The following ASCC1 variants were observed in gnomAD, a reference collection of about 807,000 sequenced individuals.
ASCC1 encodes activating signal cointegrator 1 complex subunit 1.
ASCC1 carries 35 observed loss-of-function variants against 46.6 expected under a neutral mutation model. That is an observed-to-expected ratio of 0.75 (90% CI 0.57 to 0.99). The LOEUF is 0.99. ASCC1 is among the 50% of genes least tolerant of loss of function. The pLI is 0.00. For synonymous variants in ASCC1, 143 were observed against 146.6 expected (o/e 0.98, Z 0.18); for missense variants, 376 against 428.7 (o/e 0.88, Z 1.09).
chr10:72,118,911 G>A (rs952011870), intron 9 of ASCC1, among the ~76,000 whole-genome samples: 3 of 152,016 alleles, frequency 2.0e-5, no homozygotes, highest in South Asian at 2.1e-4. Context: ...TAAGGACTTC[G>A]GAAGTCGCCA....
upstream of ASCC1, chr10:72,216,906 T>G (rs1186835668): frequency 2.2e-6 from 1 of 456,184 alleles, no homozygotes; most frequent in Admixed American, 2.3e-5. Flanking sequence ...CCTGGCAAAC[T>G]GGTTGAAGAT....
At chr10:72,117,731 T>C (rs532623126) in intron 9 of ASCC1, among the ~76,000 whole-genome samples, 1 of 152,366 alleles carries the variant, frequency 6.6e-6, no homozygotes, top group East Asian at 1.9e-4. Context: ...AATAATGTCA[T>C]TGCTTTCAAT....
intron 5 of ASCC1, among the ~76,000 whole-genome samples, chr10:72,167,005 G>A (rs1394442718): frequency 2.6e-5 from 4 of 151,962 alleles, no homozygotes; most frequent in Non-Finnish European, 4.4e-5. Flanking sequence ...AAAACAGCAC[G>A]GCCACTTTGG....
chr10:72,105,208 T>C (rs894117042), intron 9 of ASCC1, among the ~76,000 whole-genome samples: 7 of 152,166 alleles, frequency 4.6e-5, no homozygotes, highest in Admixed American at 2.6e-4. Flanking sequence ...CCACCCCACA[T>C]GACGAGGCAA....
At chr10:72,124,723 C>CTTTTTTT (rs34682603) in intron 9 of ASCC1, among the ~76,000 whole-genome samples, 4 of 118,656 alleles carry the variant, frequency 3.4e-5, no homozygotes, top group African/African-American at 1.0e-4. Flanking sequence ...CAAACAACAT[C>CTTTTTTT]TTTTTTTTTT....
At position 72,213,176 on chromosome 10, in the gene ASCC1, A is replaced by G. The variant is rs1342470392; in HGVS notation, c.112+11T>C. On this transcript the variant is annotated intron_variant, in intron 2 of 9. Coordinates refer to ENST00000672957, the MANE Select transcript of ASCC1 (RefSeq NM_001198800.3). ...TTACTTCTTATCTGACCAAAGAGCAACTAGGATTACCTTGATAGAAGTCCT... is the reference window on the plus strand; with the variant it reads ...TTACTTCTTATCTGACCAAAGAGCAGCTAGGATTACCTTGATAGAAGTCCT... The G allele has an allele frequency of 2.5e-6, 4 of 1,577,946 alleles. No individual in the cohort carries two copies. The highest frequency in any genetic ancestry group is 2.2e-5 in the East Asian group (1 of 44,600).
At chr10:72,213,456 AC>A (rs1858479668) in intron 1 of ASCC1, 125 bp from the exon 2 acceptor site, 3 of 648,824 alleles carry the variant, frequency 4.6e-6, no homozygotes, top group African/African-American at 1.8e-5. Context: ...CAAAAGCAGC[AC>A]CATTTCCCAT....
rs530141598 is a variant in ASCC1 at position 72,117,812 on chromosome 10, A to C, written c.957+10270T>G. On this transcript the variant is annotated intron_variant, in intron 9 of 9. Coordinates refer to ENST00000672957, the MANE Select transcript of ASCC1 (RefSeq NM_001198800.3). ...CTGCAGTTTGTGTATTAGCTTTAAAAGCCTGGAGAAGAAGTGACATCTGCT... is the reference window on the plus strand; with the variant it reads ...CTGCAGTTTGTGTATTAGCTTTAAACGCCTGGAGAAGAAGTGACATCTGCT... Among the ~76,000 whole-genome samples, 140 of 152,360 alleles carry C rather than the reference A, an allele frequency of 9.2e-4. 1 individual carries two copies. The highest frequency in any genetic ancestry group is 3.2e-3 in the African/African-American group (134 of 41,586).
At chr10:72,180,973 C>A in intron 5 of ASCC1, 1 of 173,342 alleles carries the variant, frequency 5.8e-6, no homozygotes, top group Admixed American at 5.7e-5. Flanking sequence ...TATTCATTTG[C>A]CTTTTTTTTT....
chr10:72,172,340 G>A lies in ASCC1; in HGVS notation c.490-10666C>T, dbSNP rs112647342. Among the ~76,000 whole-genome samples, 714 of 150,022 alleles carry A rather than the reference G, an allele frequency of 4.8e-3. 12 individuals are homozygous for A. The highest frequency in any genetic ancestry group is 0.014 in the African/African-American group (560 of 40,824). ...TGAAGCAGGAAAATCGCTTGAACCC[G>A]GAAGGCAGAGGTTGCAGTGAGCCAA... On this transcript the variant is annotated intron_variant, in intron 5 of 9. Coordinates refer to ENST00000672957, the MANE Select transcript of ASCC1 (RefSeq NM_001198800.3).
intron 5 of ASCC1, among the ~76,000 whole-genome samples, chr10:72,179,332 C>G (rs1217092362): frequency 6.6e-6 from 1 of 152,110 alleles, no homozygotes; most frequent in Admixed American, 6.6e-5. Context: ...CAAATACTGT[C>G]CAAATTATTA....
Position 72,176,559 on chromosome 10 carries a change from G to A in ASCC1, c.490-14885C>T, listed in dbSNP as rs1264475326. On this transcript the variant is annotated intron_variant, in intron 5 of 9. Coordinates refer to ENST00000672957, the MANE Select transcript of ASCC1 (RefSeq NM_001198800.3). Reference sequence around the variant, plus strand: ...AGAGTTTCACTATGTTGCCCAGGCTGGTTTCAAACTCCTGGACTCAAGGGA... The same window carrying A: ...AGAGTTTCACTATGTTGCCCAGGCTAGTTTCAAACTCCTGGACTCAAGGGA... Among the ~76,000 whole-genome samples the A allele has an allele frequency of 4.0e-5, 6 of 151,808 alleles. 1 individual carries two copies. In the South Asian group the frequency reaches 6.2e-4, roughly 16 times the overall value.
At chr10:72,148,639 T>C (rs1258060518) in intron 7 of ASCC1, among the ~76,000 whole-genome samples, 4 of 152,216 alleles carry the variant, frequency 2.6e-5, no homozygotes, top group South Asian at 2.1e-4. Flanking sequence ...AAATTGGTAG[T>C]GATATTAACA....
At chr10:72,131,439 TACACACACACACACACAC>T (rs71927487) in intron 8 of ASCC1, among the ~76,000 whole-genome samples, 7 of 139,324 alleles carry the variant, frequency 5.0e-5, no homozygotes, top group African/African-American at 1.4e-4. Flanking sequence ...AAAATAAAAA[TACACACACACACACACAC>T]ACACACACAC....
intron 4 of ASCC1, among the ~76,000 whole-genome samples, chr10:72,197,467 C>CAAAAAAAAAAAAAAAAAAAAA (rs59460393): frequency 1.9e-5 from 1 of 51,364 alleles, no homozygotes; most frequent in African/African-American, 7.9e-5. Flanking sequence ...GACTCTATCT[C>CAAAAAAAAAAAAAAAAAAAAA]AAAAAAAAAA....
rs188550196 is a variant in ASCC1 at position 72,142,500 on chromosome 10, G to A, written c.747-9319C>T. On this transcript the variant is annotated intron_variant, in intron 7 of 9. Transcript: ENST00000672957. ...TCCTGCCACAGCCTCTGGAGGAGCTGGGATTACAGGCATGTGCCACCATGC... is the reference window on the plus strand; with the variant it reads ...TCCTGCCACAGCCTCTGGAGGAGCTAGGATTACAGGCATGTGCCACCATGC... Among the ~76,000 whole-genome samples, 385 of 152,030 alleles carry A rather than the reference G, an allele frequency of 2.5e-3. 3 individuals are homozygous for A. The highest frequency in any genetic ancestry group is 8.3e-3 in the African/African-American group (344 of 41,464).
upstream of ASCC1, chr10:72,216,889 CGGTGGGCCT>C: frequency 2.2e-6 from 1 of 456,132 alleles, no homozygotes; most frequent in South Asian, 1.5e-5. Context: ...TGGGCACCTC[CGGTGGGCCT>C]GGCAAACTGG....
intron 5 of ASCC1, among the ~76,000 whole-genome samples, chr10:72,184,417 A>T (rs1003477213): frequency 2.6e-5 from 4 of 152,196 alleles, no homozygotes; most frequent in African/African-American, 9.7e-5. Context: ...TCTAAAAAGA[A>T]ACCTGTTTTG....
chr10:72,097,055 G>A lies in ASCC1; in HGVS notation c.*279C>T, dbSNP rs781723501. 4.1e-6 allele frequency: 2 copies of A among 484,940 alleles called. No individual in the cohort carries two copies. Among genetic ancestry groups the A allele is most frequent in the Non-Finnish European group, 4.0e-6 (1 of 247,210 alleles). The allele number at this position is 484,940 out of a possible 1,614,324, so 30.0% of individuals were successfully genotyped here. A position where few individuals can be genotyped will look rare whatever the true frequency, so the allele number is the denominator to read the frequency against. ...TGTGCACTTAAAAATGGTGAAGACA[G>A]TATGTTTTATGAGTATTTTACGACA... On this transcript the variant is annotated 3_prime_UTR_variant, in exon 10 of 10. Coordinates refer to ENST00000672957, the MANE Select transcript of ASCC1 (RefSeq NM_001198800.3).
Sources: allele counts gnomAD v4.1 joint callset (sites outside exome capture counted in the v4.1 genomes callset), GRCh38; gene constraint gnomAD v4.1.1; transcripts MANE v1.5; gene names NCBI Gene and HGNC (gene_info 2026-07-23, HGNC 2026-07-21).